NOS3: variants seen among roughly 807,000 people sequenced by gnomAD.
NOS3 encodes the protein NOS type III.
Under a neutral mutation model 144.9 loss-of-function variants are expected in NOS3, and 98 were observed. That is an observed-to-expected ratio of 0.68 (90% CI 0.57 to 0.80). NOS3 has a LOEUF of 0.80. Ranked by LOEUF, NOS3 falls within the 30% of genes least tolerant of loss-of-function variation. NOS3 has a pLI of 0.00. For missense variants in NOS3, 1,465 were observed against 1,656.4 expected (o/e 0.88, Z 2.01); for synonymous variants, 714 against 702.4 (o/e 1.02, Z -0.26).
Position 151,003,093 on chromosome 7 carries a change from G to C in NOS3, c.1752+789G>C, listed in dbSNP as rs1795144315. ...CTGCTCCAGCTTCTAGGTGTTAAAG[G>C]CCTTATTAGCACTAAGTACTTCCTC... On this transcript the variant is annotated intron_variant, in intron 14 of 26. Coordinates refer to ENST00000297494, the MANE Select transcript of NOS3 (RefSeq NM_000603.5). This position sits in a 1 kb window ranked among gnomAD's most constrained non-coding sequence, Gnocchi z 4.1. 2.3e-6 allele frequency: 1 copy of C among 431,880 alleles called. No homozygotes were observed. The highest frequency in any genetic ancestry group is 2.0e-5 in the African/African-American group (1 of 48,966). 26.8% of individuals were successfully genotyped at this position (431,880 alleles called of 1,614,324 possible). A position where few individuals can be genotyped will look rare whatever the true frequency, so the allele number is the denominator to read the frequency against.
In NOS3 at chr7:151,006,960, AG is replaced by A. The variant is rs781675034; in HGVS notation, c.1894del (p.Glu632SerfsTer106). ...PLVSSWRRKR[K>X]ESSNTDSAGA... ...GTGTCCTCTTGGCGGCGGAAGAGGA[AG>A]GAGTCCAGTAACACAGACAGTGCAG... On this transcript the variant is annotated frameshift_variant, in exon 16 of 27. Transcript: ENST00000297494. LOFTEE classifies it high-confidence loss of function. 6.2e-7 allele frequency: 1 copy of A among 1,614,144 alleles called. No individual in the cohort carries two copies. The highest frequency in any genetic ancestry group is 8.5e-7 in the Non-Finnish European group (1 of 1,179,996).
At chr7:151,008,197 A>G (rs570209659) in intron 17 of NOS3, among the ~76,000 whole-genome samples, 1 of 152,324 alleles carries the variant, frequency 6.6e-6, no homozygotes, top group South Asian at 2.1e-4. Context: ...AGCTAAGCAG[A>G]GCAGCAGCAG....
In NOS3 at chr7:151,008,970, C is replaced by A; in HGVS notation, c.2153C>A (p.Ala718Asp). ...TTCTGTGTGGGAGAGGATGCCAAGG[C>A]CGCCGCCCGAGACATCTTCAGCCCC... The part of the protein sequence containing the change: ...ETFCVGEDAK[A>D]AARDIFSPKR... The change falls in exon 18 of 27, where the codon GCC (alanine) becomes GAC (aspartate). Residue 718 changes from alanine (A) to aspartate (D), a missense_variant. Around this residue, in one of 5 missense-constraint regions of NOS3, gnomAD observed 745 missense variants for 853.9 expected, o/e 0.87. Transcript: ENST00000297494. 6.2e-7 allele frequency: 1 copy of A among 1,610,888 alleles called. No individual in the cohort carries two copies. Among genetic ancestry groups the A allele is most frequent in the Admixed American group, 1.7e-5 (1 of 59,652 alleles).
chr7:151,012,590 A>C lies in NOS3; in HGVS notation c.3106+118A>C. 5.4e-6 allele frequency: 7 copies of C among 1,302,546 alleles called. No homozygotes were observed. The South Asian group carries it at 1.0e-4, about 19-fold the overall frequency. The allele number at this position is 1,302,546 out of a possible 1,614,324, so 80.7% of individuals were successfully genotyped here. ...GCAGGAAACAAAGTCCACAAAGCTG[A>C]AAAGACGCTCATGAGACCAAGGGGA... On this transcript the variant is annotated intron_variant, in intron 24 of 26. Transcript: ENST00000297494.
Position 151,014,195 on chromosome 7 carries a change from T to A in NOS3, c.*26T>A. ...GAGCCGCCTGGCTTTCCCTTCCAGT[T>A]CCGGGAGAGCGGCTGCCCGACTCAG... On this transcript the variant is annotated 3_prime_UTR_variant, in exon 27 of 27. Transcript: ENST00000297494. The A allele has an allele frequency of 6.3e-7, 1 of 1,583,006 alleles. No homozygotes were observed.
Position 150,993,893 on chromosome 7 carries a change from C to A in NOS3, c.90C>A (p.Gly30=). ...GCCTTGGGCTGTGCGGCAAGCAGGG[C>A]CCAGCCACCCCGGCCCCTGAGCCCA... is the stretch of plus-strand genomic sequence containing the variant. ...GLGLGLCGKQ[G]PATPAPEPSR... is the part of the protein sequence containing the mutation. The change falls in exon 2 of 27, where the codon GGC becomes GGA. Residue 30 remains glycine, a synonymous_variant. Coordinates refer to ENST00000297494, the MANE Select transcript of NOS3 (RefSeq NM_000603.5). This position sits in a 1 kb window ranked among gnomAD's most constrained non-coding sequence, Gnocchi z 4.0. 6.3e-7 allele frequency: 1 copy of A among 1,596,454 alleles called. No individual in the cohort carries two copies.
chr7:151,007,991 C>T (rs1318060364), intron 17 of NOS3, among the ~76,000 whole-genome samples: 2 of 152,152 alleles, frequency 1.3e-5, no homozygotes, highest in Non-Finnish European at 2.9e-5. Flanking sequence ...GTGGGGGCTA[C>T]CTCAGGGACG....
At chr7:151,007,309 G>GC (rs1180829390) in intron 17 of NOS3, 33 bp downstream of exon 17, 2 of 1,563,320 alleles carry the variant, frequency 1.3e-6, no homozygotes. Flanking sequence ...TCTGACTCCT[G>GC]CCCCCTGGGA....
intron 5 of NOS3, 50 bp downstream of exon 5, chr7:150,996,975 G>T: frequency 6.6e-7 from 1 of 1,519,998 alleles, no homozygotes. Flanking sequence ...AAAGGGGAGC[G>T]GGGTGGCGGG....
At position 150,996,746 on chromosome 7, in the gene NOS3, A is replaced by G. The variant is rs3730001; in HGVS notation, c.420-17A>G. ...ACAACTTCCTGCTTGTCCCCTTCCC[A>G]CCCCTCTCCTCCCCAGGAGCGGCTC... On this transcript the variant is annotated splice_polypyrimidine_tract_variant and intron_variant, in intron 4 of 26. Coordinates refer to ENST00000297494, the MANE Select transcript of NOS3 (RefSeq NM_000603.5). 1,661 of 1,604,120 alleles carry G rather than the reference A, an allele frequency of 1.0e-3. 15 individuals are homozygous for G. In the African/African-American group the frequency reaches 0.02, roughly 20 times the overall value.
chr7:150,994,760 G>T (rs1802331221), intron 2 of NOS3, among the ~76,000 whole-genome samples: 1 of 152,194 alleles, frequency 6.6e-6, no homozygotes, highest in African/African-American at 2.4e-5. Context: ...GATAAGGCCT[G>T]CGAGGCTTCC....
At chr7:151,001,105 C>A in intron 10 of NOS3, 126 bp from the exon 11 acceptor site, 1 of 893,540 alleles carries the variant, frequency 1.1e-6, no homozygotes, top group South Asian at 1.5e-5. Flanking sequence ...TTTGAGGGGA[C>A]ACAGGGTGTG....
Position 150,998,401 on chromosome 7 carries a change from C to A in NOS3, c.627C>A (p.Thr209=), listed in dbSNP as rs1352938100. 2 of 1,612,566 alleles carry A rather than the reference C, an allele frequency of 1.2e-6. No individual in the cohort carries two copies. Among genetic ancestry groups the A allele is most frequent in the Non-Finnish European group, 8.5e-7 (1 of 1,179,874 alleles). Reference sequence around the variant, plus strand: ...GCAGGTCTGCACAGGAAATGTTCACCTACATCTGCAACCACATCAAGTATG... The same window carrying A: ...GCAGGTCTGCACAGGAAATGTTCACATACATCTGCAACCACATCAAGTATG... ...RDCRSAQEMF[T]YICNHIKYAT... is the part of the protein sequence containing the mutation. The change falls in exon 6 of 27, where the codon ACC becomes ACA. Residue 209 remains threonine (T), a synonymous_variant. Coordinates refer to ENST00000297494, the MANE Select transcript of NOS3 (RefSeq NM_000603.5). This position sits in a 1 kb window ranked among gnomAD's most constrained non-coding sequence, Gnocchi z 5.0.
Position 150,995,245 on chromosome 7 carries a change from G to T in NOS3, c.201G>T (p.Lys67Asn). 1 of 1,611,476 alleles carries T rather than the reference G, an allele frequency of 6.2e-7. No individual in the cohort carries two copies. The highest frequency in any genetic ancestry group is 8.5e-7 in the Non-Finnish European group (1 of 1,178,996). The change falls in exon 3 of 27, where the codon AAG becomes AAT. Residue 67 changes from lysine to asparagine, a missense_variant. By Grantham distance (94) the Lys-to-Asn change is moderately conservative. This residue lies in a region of NOS3 where 374 missense variants were observed against 377.0 expected (regional missense o/e 0.99). Transcript: ENST00000297494. ...SPLTQPPEGP[K>N]FPRVKNWEVG... ...TAACCCAGCCCCCAGAGGGGCCCAAGTTCCCTCGTGTGAAGAACTGGGAGG... is the reference window on the plus strand; with the variant it reads ...TAACCCAGCCCCCAGAGGGGCCCAATTTCCCTCGTGTGAAGAACTGGGAGG...
At chr7:151,006,865 C>G in intron 15 of NOS3, 24 bp from the exon 16 acceptor site, 1 of 1,587,300 alleles carries the variant, frequency 6.3e-7, no homozygotes, top group Non-Finnish European at 8.6e-7. Context: ...CTGTGACAAC[C>G]TTGTCTTTGT....
At chr7:150,996,677 C>A in intron 4 of NOS3, 86 bp from the exon 5 acceptor site, 1 of 1,507,606 alleles carries the variant, frequency 6.6e-7, no homozygotes. Flanking sequence ...CCCGCCCTCC[C>A]CCAGCACTTG....
rs1006832048 is a variant in NOS3, at chr7:151,006,989, G to T, written c.1921G>T (p.Ala641Ser). ...GTCCAGTAACACAGACAGTGCAGGG[G>T]CCCTGGGCACCCTCAGGTCAGGGCC... ...KESSNTDSAG[A>S]LGTLRFCVFG... The change falls in exon 16 of 27, where the codon GCC becomes TCC. Residue 641 changes from alanine (A) to serine (S), a missense_variant. Ala to Ser is a moderately conservative substitution (Grantham distance 99). Around this residue, in one of 5 missense-constraint regions of NOS3, gnomAD observed 745 missense variants for 853.9 expected, o/e 0.87. Coordinates refer to ENST00000297494, the MANE Select transcript of NOS3 (RefSeq NM_000603.5). 23 of 1,613,910 alleles carry T rather than the reference G, an allele frequency of 1.4e-5. No individual in the cohort carries two copies. The highest frequency in any genetic ancestry group is 1.7e-5 in the Non-Finnish European group (20 of 1,179,910).
At chr7:151,010,541 G>A in intron 21 of NOS3, 56 bp from the exon 22 acceptor site, 1 of 1,466,340 alleles carries the variant, frequency 6.8e-7, no homozygotes, top group Non-Finnish European at 9.2e-7. Flanking sequence ...GGTCAAGAAG[G>A]GAGGTTACTA....
chr7:151,012,290 A>G (rs1468931522), intron 23 of NOS3, 61 bp from the exon 24 acceptor site: 1 of 1,439,708 alleles, frequency 6.9e-7, no homozygotes, highest in Non-Finnish European at 9.4e-7. Context: ...CCCACCCTGC[A>G]TGGTGAGAAT....
Sources: allele counts gnomAD v4.1 joint callset (sites outside exome capture counted in the v4.1 genomes callset), GRCh38; gene constraint gnomAD v4.1.1; regional missense constraint gnomAD v4.1.1; non-coding constraint Gnocchi (gnomAD v3.1); transcripts MANE v1.5; gene names NCBI Gene and HGNC (gene_info 2026-07-23, HGNC 2026-07-21).